Variants in MEI4 observed in about 807,000 individuals in gnomAD.
MEI4 encodes meiosis-specific protein MEI4.
Under a neutral mutation model 31.4 loss-of-function variants are expected in MEI4, and 27 were observed. The observed-to-expected ratio is 0.86, with a 90% CI of 0.63 to 1.19. The LOEUF (loss-of-function observed/expected upper bound fraction) is 1.19. Ranked by LOEUF, MEI4 falls within the 50% of genes most tolerant of loss-of-function variation. MEI4 has a pLI of 0.00. For synonymous variants in MEI4, 122 were observed against 145.4 expected, an observed-to-expected ratio of 0.84 and a Z score of 1.16; for missense variants, 329 against 398.9, an observed-to-expected ratio of 0.82 and a Z score of 1.49.
At chr6:77,816,689 C>T (rs536982149) in intron 3 of MEI4, among the ~76,000 whole-genome samples, 13 of 152,040 alleles carry the variant, frequency 8.6e-5, no homozygotes, top group Non-Finnish European at 1.2e-4. Flanking sequence ...TGGTATTTCT[C>T]GTTCTAGATC....
At chr6:77,917,099 CTCA>C (rs1766577000) in intron 4 of MEI4, among the ~76,000 whole-genome samples, 1 of 151,808 alleles carries the variant, frequency 6.6e-6, no homozygotes, top group Non-Finnish European at 1.5e-5. Flanking sequence ...AGGACATGAA[CTCA>C]TCATTTTTTA....
rs1766764738 is a variant in MEI4 at position 77,923,602 on chromosome 6, A to ATAGTT, written c.*260_*264dup. ...GTAACTGTATCTTATTTCACTCAAT[A>ATAGTT]TAGTTTAGCTCTATTATTCTGTAAA... On this transcript the variant is annotated 3_prime_UTR_variant, in exon 5 of 5. Transcript: ENST00000684080. The ATAGTT allele has an allele frequency of 8.1e-6, 2 of 246,838 alleles. No homozygotes were observed. Among genetic ancestry groups the ATAGTT allele is most frequent in the African/African-American group, 2.2e-5 (1 of 45,032 alleles). The allele number at this position is 246,838 out of a possible 1,614,324, so 15.3% of individuals were successfully genotyped here. A position where few individuals can be genotyped will look rare whatever the true frequency, so the allele number is the denominator to read the frequency against.
At chr6:77,922,701 G>A (rs1207418899) in intron 4 of MEI4, among the ~76,000 whole-genome samples, 1 of 151,470 alleles carries the variant, frequency 6.6e-6, no homozygotes, top group Admixed American at 6.6e-5. Flanking sequence ...TACTACTCTG[G>A]GATTGTTTTA....
chr6:77,708,329 G>T (rs1240871047), intron 2 of MEI4, among the ~76,000 whole-genome samples: 1 of 152,170 alleles, frequency 6.6e-6, no homozygotes, highest in African/African-American at 2.4e-5. Flanking sequence ...CATGGGATCT[G>T]TTGCCCCTTT....
chr6:77,817,134 T>A (rs1431387738), intron 3 of MEI4, among the ~76,000 whole-genome samples: 1 of 152,138 alleles, frequency 6.6e-6, no homozygotes, highest in Non-Finnish European at 1.5e-5. Context: ...TTATTCTTGG[T>A]ATCTCTGAGG....
At chr6:77,920,596 C>T (rs1343746764) in intron 4 of MEI4, among the ~76,000 whole-genome samples, 2 of 151,720 alleles carry the variant, frequency 1.3e-5, no homozygotes, top group African/African-American at 4.8e-5. Context: ...ATGGTGAATC[C>T]CTTCCGGAAG....
rs1302145861 is a variant in MEI4, at chr6:77,691,159, A to G, written c.232+256A>G. Among the ~76,000 whole-genome samples the G allele has an allele frequency of 2.6e-5, 4 of 151,960 alleles. No homozygotes were observed. The South Asian group carries it at 6.2e-4, about 24-fold the overall frequency. On this transcript the variant is annotated intron_variant, in intron 2 of 4. Coordinates refer to ENST00000684080, the MANE Select transcript of MEI4 (RefSeq NM_001322247.2). ...AGGCAATAAGGTCTTTTAAAATCTCATTGTTCAACTTTATTATTTTACTAT... is the reference window on the plus strand; with the variant it reads ...AGGCAATAAGGTCTTTTAAAATCTCGTTGTTCAACTTTATTATTTTACTAT...
At chr6:77,711,268 T>C (rs1031533573) in intron 2 of MEI4, among the ~76,000 whole-genome samples, 1 of 152,086 alleles carries the variant, frequency 6.6e-6, no homozygotes, top group South Asian at 2.1e-4. Context: ...GCTAAGTATG[T>C]GAGGTGATAT....
chr6:77,845,118 G>T (rs1332381995), intron 4 of MEI4, among the ~76,000 whole-genome samples: 2 of 152,048 alleles, frequency 1.3e-5, no homozygotes, highest in Non-Finnish European at 2.9e-5. Context: ...TTATGTGGGT[G>T]CCTCAGCTTT....
At chr6:77,748,689 C>T (rs781226210) in intron 2 of MEI4, among the ~76,000 whole-genome samples, 5 of 152,234 alleles carry the variant, frequency 3.3e-5, no homozygotes, top group Non-Finnish European at 7.3e-5. Flanking sequence ...GCTTGAATTT[C>T]TCCCAAGAAA....
At chr6:77,916,155 T>C (rs186938973) in intron 4 of MEI4, among the ~76,000 whole-genome samples, 2 of 152,236 alleles carry the variant, frequency 1.3e-5, no homozygotes, top group Non-Finnish European at 2.9e-5. Context: ...ATTCATATCA[T>C]GAATTACTTT....
intron 4 of MEI4, among the ~76,000 whole-genome samples, chr6:77,881,890 A>C (rs1465193065): frequency 6.6e-6 from 1 of 152,214 alleles, no homozygotes; most frequent in African/African-American, 2.4e-5. Flanking sequence ...AATTTAATTC[A>C]ATTTCAAGAC....
intron 2 of MEI4, among the ~76,000 whole-genome samples, chr6:77,692,605 A>G (rs564675419): frequency 6.6e-6 from 1 of 152,202 alleles, no homozygotes; most frequent in East Asian, 1.9e-4. Flanking sequence ...TGTAGGAATA[A>G]ATTCAGAGTA....
intron 3 of MEI4, among the ~76,000 whole-genome samples, chr6:77,794,591 C>T (rs1032979221): frequency 2.6e-5 from 4 of 151,850 alleles, no homozygotes; most frequent in African/African-American, 9.7e-5. Flanking sequence ...AACATCAAAG[C>T]ACGTAAATAT....
intron 4 of MEI4, among the ~76,000 whole-genome samples, chr6:77,896,646 G>A (rs1766090175): frequency 6.6e-6 from 1 of 151,664 alleles, no homozygotes; most frequent in Admixed American, 6.6e-5. Context: ...CCTTCTTCAG[G>A]GCCTTGTGAT....
At chr6:77,842,162 C>G (rs35294150) in intron 4 of MEI4, among the ~76,000 whole-genome samples, 21,329 of 152,084 alleles carry the variant, frequency 0.14, 1,783 homozygotes, top group East Asian at 0.4. Flanking sequence ...AGATACCATT[C>G]TAGACCACGA....
At chr6:77,709,380 A>G (rs939288574) in intron 2 of MEI4, among the ~76,000 whole-genome samples, 1 of 152,206 alleles carries the variant, frequency 6.6e-6, no homozygotes, top group Non-Finnish European at 1.5e-5. Flanking sequence ...TGTTTTCTCA[A>G]ATATGTTTCT....
intron 2 of MEI4, among the ~76,000 whole-genome samples, chr6:77,753,372 C>G (rs779753527): frequency 1.3e-5 from 2 of 152,026 alleles, no homozygotes; most frequent in African/African-American, 2.4e-5. Flanking sequence ...GGGCTAATAT[C>G]CAGAATCTAC....
intron 3 of MEI4, among the ~76,000 whole-genome samples, chr6:77,780,498 C>T (rs1023080076): frequency 3.9e-5 from 6 of 152,162 alleles, no homozygotes; most frequent in East Asian, 1.9e-4. Context: ...CACTGAATAT[C>T]GGAGTCTGAG....
Sources: allele counts gnomAD v4.1 joint callset (sites outside exome capture counted in the v4.1 genomes callset), GRCh38; gene constraint gnomAD v4.1.1; transcripts MANE v1.5; gene names NCBI Gene and HGNC (gene_info 2026-07-23, HGNC 2026-07-21).